Variants in APPBP2 observed in about 807,000 individuals in gnomAD.
APPBP2 encodes amyloid beta precursor protein binding protein 2, also known as amyloid protein-binding protein 2.
In APPBP2, 15 loss-of-function variants were observed where a neutral mutation model predicts 76.0. That is an observed-to-expected ratio of 0.20 (90% CI 0.13 to 0.30). The LOEUF is 0.30. Ranked by LOEUF, APPBP2 falls within the 10% of genes least tolerant of loss-of-function variation. The pLI is 1.00. For synonymous variants in APPBP2, 222 were observed against 242.2 expected (o/e 0.92, Z 0.77); for missense variants, 401 against 687.2 (o/e 0.58, Z 4.66).
Position 60,460,229 on chromosome 17 carries a change from C to A in APPBP2, c.1061+434G>T, listed in dbSNP as rs569352930. On this transcript the variant is annotated intron_variant, in intron 9 of 12. Coordinates refer to ENST00000083182, the MANE Select transcript of APPBP2 (RefSeq NM_006380.5). Reference sequence around the variant, plus strand: ...TTATTTATTTTTGGAAACAGGGTCTCACTCTGTTGCCCAGGCTGGAATGCA... The same window carrying A: ...TTATTTATTTTTGGAAACAGGGTCTAACTCTGTTGCCCAGGCTGGAATGCA... 92 of 153,120 alleles carry A rather than the reference C, an allele frequency of 6.0e-4. 1 individual carries two copies. The East Asian group carries it at 6.1e-3, about 10-fold the overall frequency. 9.5% of individuals were successfully genotyped at this position (153,120 alleles called of 1,614,324 possible).
intron 6 of APPBP2, 177 bp from the exon 7 acceptor site, chr17:60,462,238 C>T (rs1322228868): frequency 6.6e-6 from 4 of 603,594 alleles, no homozygotes; most frequent in African/African-American, 1.9e-5. Flanking sequence ...CTATTATAAA[C>T]AGATCTGTAT....
At chr17:60,510,994 T>C (rs2090907755) in intron 1 of APPBP2, among the ~76,000 whole-genome samples, 1 of 152,202 alleles carries the variant, frequency 6.6e-6, no homozygotes, top group South Asian at 2.1e-4. Context: ...TATGTGTATT[T>C]ACCCAGATGC....
intron 1 of APPBP2, among the ~76,000 whole-genome samples, chr17:60,500,894 A>G (rs753102263): frequency 6.6e-6 from 1 of 152,226 alleles, no homozygotes; most frequent in Non-Finnish European, 1.5e-5. Flanking sequence ...ATCTCAGTTC[A>G]GTCCTGGTTA....
rs375518918 is a variant in APPBP2 at position 60,525,425 on chromosome 17, A to G, written c.138+369T>C. On this transcript the variant is annotated intron_variant, in intron 1 of 12. Transcript: ENST00000083182. The stretch of plus-strand genomic sequence containing the variant: ...ACGGAAAAAAGTCCAGCTGATGCTG[A>G]CACTTAATTGGAAGGAGAGGATGGA... 9.2e-5 allele frequency among the ~76,000 whole-genome samples: 14 copies of G among 152,318 alleles called. No individual in the cohort carries two copies. In the South Asian group the frequency reaches 2.7e-3, roughly 29 times the overall value.
intron 9 of APPBP2, among the ~76,000 whole-genome samples, chr17:60,458,625 T>C (rs1485808330): frequency 1.3e-5 from 2 of 152,184 alleles, no homozygotes; most frequent in African/African-American, 4.8e-5. Context: ...TGAAAGAAGC[T>C]ATAGAAAACA....
rs371301793 is a variant in APPBP2, at chr17:60,484,159, T to C, written c.380-4888A>G. On this transcript the variant is annotated intron_variant, in intron 3 of 12. Coordinates refer to ENST00000083182, the MANE Select transcript of APPBP2 (RefSeq NM_006380.5). ...TGTAGTATAGTTTGAAGTCAGGTAG[T>C]GTGATGCCTCCAGCTTTGTTCTTTT... Among the ~76,000 whole-genome samples, 77 of 152,282 alleles carry C rather than the reference T, an allele frequency of 5.1e-4. No individual in the cohort carries two copies. In the East Asian group the frequency reaches 0.013, roughly 25 times the overall value.
chr17:60,493,460 C>T (rs188715013), intron 3 of APPBP2, among the ~76,000 whole-genome samples: 13 of 152,186 alleles, frequency 8.5e-5, no homozygotes, highest in African/African-American at 2.6e-4. Context: ...GTATAGCACA[C>T]AAAACATTTT....
chr17:60,503,013 CTTT>C (rs773905454), intron 1 of APPBP2, among the ~76,000 whole-genome samples: 9 of 126,440 alleles, frequency 7.1e-5, no homozygotes, highest in Admixed American at 7.7e-5. Flanking sequence ...TTTAAATTTT[CTTT>C]TTTTTTTTTT....
Position 60,462,016 on chromosome 17 carries a change from T to C in APPBP2, c.808A>G (p.Lys270Glu), listed in dbSNP as rs1340559733. ...REFKKAEQLIKHAVYLARDHF... is the reference protein window; with the variant it reads ...REFKKAEQLIEHAVYLARDHF... Reference sequence around the variant, plus strand: ...TACCGTGCCAAATACACTGCATGTTTAATTAACTGTTCTGCCTTCTTAAAT... The same window carrying C: ...TACCGTGCCAAATACACTGCATGTTCAATTAACTGTTCTGCCTTCTTAAAT... The change falls in exon 7 of 13, where the codon AAA (lysine) becomes GAA (glutamate). Residue 270 changes from lysine to glutamate, a missense_variant. By Grantham distance (56) the Lys-to-Glu change is moderately conservative. This residue lies in a region of APPBP2 where 130 missense variants were observed against 322.7 expected (regional missense o/e 0.40). Coordinates refer to ENST00000083182, the MANE Select transcript of APPBP2 (RefSeq NM_006380.5). 1 of 1,613,504 alleles carries C rather than the reference T, an allele frequency of 6.2e-7. No homozygotes were observed. Among genetic ancestry groups the C allele is most frequent in the Non-Finnish European group, 8.5e-7 (1 of 1,179,664 alleles).
intron 8 of APPBP2, 80 bp from the exon 9 acceptor site, chr17:60,460,867 T>C: frequency 7.0e-7 from 1 of 1,422,946 alleles, no homozygotes; most frequent in Non-Finnish European, 9.5e-7. Flanking sequence ...AATTTAAATA[T>C]ATATCTATAT....
At chr17:60,469,209 C>G (rs1034453105) in intron 4 of APPBP2, among the ~76,000 whole-genome samples, 1 of 151,600 alleles carries the variant, frequency 6.6e-6, no homozygotes, top group South Asian at 2.1e-4. Context: ...GCCTGTAGTT[C>G]CAGCTACTTG....
intron 3 of APPBP2, among the ~76,000 whole-genome samples, chr17:60,481,782 T>C (rs2090631784): frequency 6.6e-6 from 1 of 152,230 alleles, no homozygotes; most frequent in African/African-American, 2.4e-5. Context: ...ACAGCACAAT[T>C]GTGGCAGCTG....
At chr17:60,509,123 T>G (rs545631494) in intron 1 of APPBP2, among the ~76,000 whole-genome samples, 1 of 152,310 alleles carries the variant, frequency 6.6e-6, no homozygotes, top group South Asian at 2.1e-4. Context: ...GGCTCATGGC[T>G]GTAATCCCAG....
chr17:60,509,946 T>C (rs2090898750), intron 1 of APPBP2, among the ~76,000 whole-genome samples: 1 of 152,214 alleles, frequency 6.6e-6, no homozygotes, highest in South Asian at 2.1e-4. Context: ...GTGATAGACA[T>C]AGGAATTCAT....
At chr17:60,492,796 TG>T (rs1260889777) in intron 3 of APPBP2, among the ~76,000 whole-genome samples, 5 of 152,192 alleles carry the variant, frequency 3.3e-5, no homozygotes, top group African/African-American at 9.7e-5. Context: ...CTTTGGACTG[TG>T]GACTTTTTGA....
chr17:60,523,991 A>C (rs551498921), intron 1 of APPBP2, among the ~76,000 whole-genome samples: 2 of 152,356 alleles, frequency 1.3e-5, no homozygotes, highest in East Asian at 3.9e-4. Context: ...ACATAGTTAC[A>C]GGCACATGTT....
chr17:60,483,911 G>C (rs1212921150), intron 3 of APPBP2, among the ~76,000 whole-genome samples: 2 of 151,848 alleles, frequency 1.3e-5, no homozygotes, highest in Non-Finnish European at 2.9e-5. Context: ...TTTGTATAAC[G>C]TGTAAGGAAG....
At chr17:60,452,808 C>T (rs2090405053) in intron 11 of APPBP2, among the ~76,000 whole-genome samples, 1 of 152,232 alleles carries the variant, frequency 6.6e-6, no homozygotes, top group Non-Finnish European at 1.5e-5. Context: ...TGGTGTGCGC[C>T]TGTATTCCCA....
At chr17:60,480,321 G>A (rs7221555) in intron 3 of APPBP2, among the ~76,000 whole-genome samples, 12,501 of 151,922 alleles carry the variant, frequency 0.082, 1,704 homozygotes, top group African/African-American at 0.28. Flanking sequence ...TGCAGTGAGC[G>A]GAGATCACAC....
Sources: gnomAD v4.1 joint callset for allele counts (sites outside exome capture counted in the v4.1 genomes callset) on GRCh38, gnomAD v4.1.1 for gene constraint, gnomAD v4.1.1 regional missense constraint, MANE v1.5 for transcripts, NCBI Gene and HGNC (gene_info 2026-07-23, HGNC 2026-07-21) for gene names.